MNAT1: variants seen among roughly 807,000 people sequenced by gnomAD.
MNAT1 encodes MNAT1 component of CDK activating kinase.
Under a neutral mutation model 42.0 loss-of-function variants are expected in MNAT1, and 43 were observed. That is an observed-to-expected ratio of 1.02 (90% CI 0.80 to 1.32). The LOEUF (loss-of-function observed/expected upper bound fraction) is 1.32. MNAT1 is among the 40% of genes most tolerant of loss of function. MNAT1 has a pLI of 0.00. For synonymous variants in MNAT1, 118 were observed against 120.0 expected, an observed-to-expected ratio of 0.98 and a Z score of 0.11; for missense variants, 306 against 350.4, an observed-to-expected ratio of 0.87 and a Z score of 1.01.
At position 60,968,499 on chromosome 14, in the gene MNAT1, A is replaced by G; in HGVS notation, c.*150A>G. ...TTTATAAGGAGAAAATTTCAGAACT[A>G]AGTTGAGTAATATAGGGGATATATA... On this transcript the variant is annotated 3_prime_UTR_variant, in exon 8 of 8. Coordinates refer to ENST00000261245, the MANE Select transcript of MNAT1 (RefSeq NM_002431.4). 1 of 1,493,056 alleles carries G rather than the reference A, an allele frequency of 6.7e-7. No individual in the cohort carries two copies. Among genetic ancestry groups the G allele is most frequent in the Non-Finnish European group, 8.9e-7 (1 of 1,122,270 alleles). 92.5% of individuals were successfully genotyped at this position (1,493,056 alleles called of 1,614,324 possible). A position where few individuals can be genotyped will look rare whatever the true frequency, so the allele number is the denominator to read the frequency against.
rs1896435390 is a variant in MNAT1, at chr14:60,740,603, G to A, written c.89+5652G>A. 6.6e-6 allele frequency among the ~76,000 whole-genome samples: 1 copy of A among 152,082 alleles called. No homozygotes were observed. The highest frequency in any genetic ancestry group is 1.5e-5 in the Non-Finnish European group (1 of 68,018). On this transcript the variant is annotated intron_variant, in intron 1 of 7. Transcript: ENST00000261245. The surrounding 1 kb of genome is among the most constrained non-coding windows in gnomAD (Gnocchi z 4.1). ...CTTATTCAGTACCTTTGTGCAAATTGGGAAACAGAGCCCCCTCTGGGTAGA... is the reference window on the plus strand; with the variant it reads ...CTTATTCAGTACCTTTGTGCAAATTAGGAAACAGAGCCCCCTCTGGGTAGA...
intron 3 of MNAT1, among the ~76,000 whole-genome samples, chr14:60,800,701 A>G (rs891911294): frequency 1.3e-5 from 2 of 152,206 alleles, no homozygotes; most frequent in Non-Finnish European, 2.9e-5. Flanking sequence ...GTATTTGAAG[A>G]GAGAGACAGG....
chr14:60,913,969 C>G (rs565304071), intron 7 of MNAT1, among the ~76,000 whole-genome samples: 3 of 152,338 alleles, frequency 2.0e-5, no homozygotes, highest in African/African-American at 7.2e-5. Context: ...GTGGTGGGCT[C>G]CACGCAGTTC....
At chr14:60,833,505 A>G (rs557485583) in intron 6 of MNAT1, among the ~76,000 whole-genome samples, 10 of 152,178 alleles carry the variant, frequency 6.6e-5, no homozygotes, top group Middle Eastern at 3.4e-3. Flanking sequence ...TGTTGAACCA[A>G]CCTTGCATCC....
intron 6 of MNAT1, among the ~76,000 whole-genome samples, chr14:60,829,890 GA>G (rs943861793): frequency 6.6e-6 from 1 of 152,120 alleles, no homozygotes; most frequent in Admixed American, 6.5e-5. Flanking sequence ...TAATTATATT[GA>G]GTGCCAATCT....
intron 7 of MNAT1, among the ~76,000 whole-genome samples, chr14:60,930,011 T>C (rs1437854973): frequency 6.6e-6 from 1 of 151,928 alleles, no homozygotes; most frequent in Non-Finnish European, 1.5e-5. Context: ...CATTCAGAGG[T>C]CAGAAAAATA....
chr14:60,895,431 ATCCTAACAGTTG>A (rs2034933258), intron 7 of MNAT1, among the ~76,000 whole-genome samples: 1 of 152,202 alleles, frequency 6.6e-6, no homozygotes, highest in African/African-American at 2.4e-5. Context: ...TTTCACATTC[ATCCTAACAGTTG>A]TCCATGTCGT....
chr14:60,884,069 G>C (rs1223494902), intron 7 of MNAT1, among the ~76,000 whole-genome samples: 1 of 150,980 alleles, frequency 6.6e-6, no homozygotes, highest in Non-Finnish European at 1.5e-5. Context: ...TCTTTCTCCT[G>C]TCTGATTGCT....
chr14:60,869,626 A>C (rs371508199), intron 6 of MNAT1, among the ~76,000 whole-genome samples: 1 of 152,184 alleles, frequency 6.6e-6, no homozygotes, highest in East Asian at 1.9e-4. Flanking sequence ...GGATTTGCAG[A>C]ATCATTTAAC....
intron 7 of MNAT1, among the ~76,000 whole-genome samples, chr14:60,940,050 G>A (rs973602754): frequency 4.6e-5 from 7 of 152,226 alleles, no homozygotes; most frequent in Admixed American, 2.0e-4. Flanking sequence ...GACTAGGATC[G>A]CAACCCCTGC....
At chr14:60,951,534 T>C (rs539400604) in intron 7 of MNAT1, among the ~76,000 whole-genome samples, 41 of 152,294 alleles carry the variant, frequency 2.7e-4, no homozygotes, top group African/African-American at 9.6e-4. Flanking sequence ...AACCTGTCCA[T>C]TGAAACTTTT....
At chr14:60,878,748 G>A (rs1190697631) in intron 6 of MNAT1, among the ~76,000 whole-genome samples, 1 of 152,034 alleles carries the variant, frequency 6.6e-6, no homozygotes, top group Non-Finnish European at 1.5e-5. Context: ...AGTAGACATT[G>A]CTTTGATTGT....
At chr14:60,953,868 T>C (rs2036430376) in intron 7 of MNAT1, among the ~76,000 whole-genome samples, 1 of 152,298 alleles carries the variant, frequency 6.6e-6, no homozygotes, top group South Asian at 2.1e-4. Flanking sequence ...TTGTTTTGCC[T>C]GGTGATTAGT....
chr14:60,810,377 G>T (rs908717286), intron 4 of MNAT1, among the ~76,000 whole-genome samples: 3 of 151,552 alleles, frequency 2.0e-5, no homozygotes, highest in African/African-American at 7.3e-5. Flanking sequence ...CCTTTGTTCT[G>T]CTTACTTTGA....
intron 7 of MNAT1, among the ~76,000 whole-genome samples, chr14:60,953,430 A>G (rs1425475792): frequency 1.3e-5 from 2 of 152,190 alleles, no homozygotes; most frequent in South Asian, 2.1e-4. Context: ...TTGTTGGAAT[A>G]GACGTAGGAG....
intron 6 of MNAT1, among the ~76,000 whole-genome samples, chr14:60,834,953 C>CTTCCTTCT (rs2033341378): frequency 6.8e-6 from 1 of 146,662 alleles, no homozygotes; most frequent in Non-Finnish European, 1.5e-5. Context: ...TCCTTCCTTC[C>CTTCCTTCT]TTCCTTCCTT....
rs895116587 is a variant in MNAT1, at chr14:60,884,933, G to T, written c.809+5098G>T. Among the ~76,000 whole-genome samples, 94 of 152,052 alleles carry T rather than the reference G, an allele frequency of 6.2e-4. 3 individuals are homozygous for T. Among genetic ancestry groups the T allele is most frequent in the Non-Finnish European group, 1.2e-4 (8 of 67,910 alleles). On this transcript the variant is annotated intron_variant, in intron 7 of 7. Coordinates refer to ENST00000261245, the MANE Select transcript of MNAT1 (RefSeq NM_002431.4). ...TGTTTGTCCGGGAAAGTCTTTATTT[G>T]TTTCTCCTTCATGTTTGCAGAACAT...
intron 7 of MNAT1, among the ~76,000 whole-genome samples, chr14:60,900,048 A>ATC (rs61149455): frequency 0.021 from 2,919 of 136,108 alleles, 42 homozygotes; most frequent in Middle Eastern, 0.038. Context: ...CTGTTTCCCC[A>ATC]TCTCTCTCTC....
intron 6 of MNAT1, among the ~76,000 whole-genome samples, chr14:60,825,902 C>T (rs2033040126): frequency 6.6e-6 from 1 of 151,968 alleles, no homozygotes; most frequent in Non-Finnish European, 1.5e-5. Flanking sequence ...AAAATGAAGT[C>T]GGATGTGCTC....
Sources: gnomAD v4.1 joint callset for allele counts (sites outside exome capture counted in the v4.1 genomes callset) on GRCh38, gnomAD v4.1.1 for gene constraint, Gnocchi (gnomAD v3.1) non-coding constraint, MANE v1.5 for transcripts, NCBI Gene and HGNC (gene_info 2026-07-23, HGNC 2026-07-21) for gene names.